DNAI7: variants seen among roughly 807,000 people sequenced by gnomAD.
DNAI7 encodes the protein cancer susceptibility 1.
DNAI7 carries 78 observed loss-of-function variants against 86.6 expected under a neutral mutation model. The ratio of observed to expected loss-of-function variants is 0.90; its 90% CI spans 0.75 to 1.09. The LOEUF is 1.09. DNAI7 is among the 50% of genes least tolerant of loss of function. DNAI7 has a pLI of 0.00. For missense variants in DNAI7, 753 were observed against 810.2 expected, an observed-to-expected ratio of 0.93 and a Z score of 0.86; for synonymous variants, 274 against 273.0, an observed-to-expected ratio of 1.00 and a Z score of -0.04.
At chr12:25,184,961 C>A (rs1386063365) in intron 2 of DNAI7, among the ~76,000 whole-genome samples, 12 of 129,084 alleles carry the variant, frequency 9.3e-5, no homozygotes, top group Non-Finnish European at 1.7e-5. Context: ...GGGATCCCAT[C>A]TCTATAAAAA....
chr12:25,174,595 T>TATATATCCCATATATATGGG lies in DNAI7; in HGVS notation c.22-13399_22-13398insCCCATATATATGGGATATAT, dbSNP rs1555181700. 7.0e-5 allele frequency among the ~76,000 whole-genome samples: 5 copies of TATATATCCCATATATATGGG among 71,436 alleles called. 2 individuals are homozygous for TATATATCCCATATATATGGG. Among genetic ancestry groups the TATATATCCCATATATATGGG allele is most frequent in the Non-Finnish European group, 1.3e-4 (5 of 37,576 alleles). 46.9% of individuals were successfully genotyped at this position (71,436 alleles called of 152,430 possible). On this transcript the variant is annotated intron_variant, in intron 2 of 15. Transcript: ENST00000395987. ...TGGGATATATATCATATATATGGGA[T>TATATATCCCATATATATGGG]ATATATATGATATATATATCATATA...
chr12:25,154,999 T>G (rs1052598772), intron 5 of DNAI7, among the ~76,000 whole-genome samples: 2 of 152,244 alleles, frequency 1.3e-5, no homozygotes, highest in East Asian at 3.8e-4. Context: ...TCCAAAGTTA[T>G]GCAGTTTTGA....
intron 10 of DNAI7, 120 bp from the exon 11 acceptor site, chr12:25,122,033 T>C (rs1326138176): frequency 1.5e-6 from 1 of 672,744 alleles, no homozygotes; most frequent in Non-Finnish European, 2.4e-6. Context: ...TACTAAAACT[T>C]TTCAAAAAGC....
chr12:25,149,562 ATTATT>A, intron 7 of DNAI7, 61 bp downstream of exon 7: 8 of 1,170,608 alleles, frequency 6.8e-6, no homozygotes, highest in Middle Eastern at 2.6e-4. Flanking sequence ...AAAATACTGG[ATTATT>A]TTATAACATA....
At chr12:25,163,179 T>C (rs1466353738) in intron 2 of DNAI7, among the ~76,000 whole-genome samples, 1 of 152,158 alleles carries the variant, frequency 6.6e-6, no homozygotes, top group East Asian at 1.9e-4. Context: ...AAGAGCATGA[T>C]GAAAGCAATG....
chr12:25,147,483 C>CCAT (rs1555170148), intron 7 of DNAI7, among the ~76,000 whole-genome samples: 16 of 150,246 alleles, frequency 1.1e-4, no homozygotes, highest in Admixed American at 8.6e-4. Flanking sequence ...GAGACCACCC[C>CCAT]CATCTCTACA....
At position 25,121,809 on chromosome 12, in the gene DNAI7, C is replaced by T; in HGVS notation, c.1183G>A (p.Asp395Asn). Residue 395 changes from aspartate to asparagine, a missense_variant, in exon 11 of 16, where the codon GAT (aspartate) becomes AAT (asparagine). Transcript: ENST00000395987. ...CACTGTGGAGGAAGCTCCAAAATAT[C>T]CAAGTGGTATACTCCACCCAGAGTT... is the stretch of plus-strand genomic sequence containing the variant. ...FTTLGGVYHL[D>N]ILELPPQCKP... 6.2e-7 allele frequency: 1 copy of T among 1,607,854 alleles called. No homozygotes were observed. Among genetic ancestry groups the T allele is most frequent in the Non-Finnish European group, 8.5e-7 (1 of 1,178,352 alleles).
intron 6 of DNAI7, among the ~76,000 whole-genome samples, chr12:25,153,321 T>C (rs10842488): frequency 0.22 from 33,962 of 152,102 alleles, 3,871 homozygotes; most frequent in Middle Eastern, 0.28. Context: ...ATTGGGAGGC[T>C]GAGGCATGAG....
At position 25,111,891 on chromosome 12, in the gene DNAI7, T is replaced by C; in HGVS notation, c.1660A>G (p.Ile554Val). ...ATCCAGGTTCCTTCCAAAATAGAGA[T>C]GTGTTTCTTGTCTTTTAGTTTGATT... ...SSIKLKDKKHISILEGTWMTP... is the reference protein window; with the variant it reads ...SSIKLKDKKHVSILEGTWMTP... Residue 554 changes from isoleucine (I) to valine (V), a missense_variant, in exon 14 of 16, where the codon ATC becomes GTC. Ile to Val is a conservative substitution (Grantham distance 29). Coordinates refer to ENST00000395987, the MANE Select transcript of DNAI7 (RefSeq NM_018272.5). The C allele has an allele frequency of 1.2e-6, 2 of 1,604,416 alleles. No homozygotes were observed. Among genetic ancestry groups the C allele is most frequent in the Non-Finnish European group, 1.7e-6 (2 of 1,175,606 alleles).
intron 2 of DNAI7, among the ~76,000 whole-genome samples, chr12:25,184,828 C>A (rs916195169): frequency 2.0e-5 from 3 of 152,038 alleles, no homozygotes; most frequent in Non-Finnish European, 2.9e-5. Flanking sequence ...TCTGCAAATA[C>A]CCTCATGATA....
rs1009239877 is a variant in DNAI7 at position 25,190,555 on chromosome 12, T to G, written c.21+59A>C. 5.9e-6 allele frequency: 4 copies of G among 676,772 alleles called. No homozygotes were observed. The African/African-American group carries it at 7.4e-5, about 12-fold the overall frequency. 41.9% of individuals were successfully genotyped at this position (676,772 alleles called of 1,614,324 possible). A position where few individuals can be genotyped will look rare whatever the true frequency, so the allele number is the denominator to read the frequency against. ...AAATATTTTATAATTCTGTAAATAT[T>G]CTGTTCATACACTGTAAGTGATTAT... On this transcript the variant is annotated intron_variant, in intron 2 of 15. Transcript: ENST00000395987.
intron 2 of DNAI7, among the ~76,000 whole-genome samples, chr12:25,172,653 T>C (rs1299206500): frequency 2.0e-5 from 3 of 152,158 alleles, no homozygotes; most frequent in Non-Finnish European, 4.4e-5. Context: ...AAAGCAAGAC[T>C]AAGCAAAAAG....
chr12:25,110,850 A>G (rs1306247453), intron 14 of DNAI7, among the ~76,000 whole-genome samples: 1 of 152,146 alleles, frequency 6.6e-6, no homozygotes, highest in Non-Finnish European at 1.5e-5. Flanking sequence ...AAACAAAGGT[A>G]AGGACCTTTG....
At chr12:25,120,294 AAG>A (rs977957542) in intron 11 of DNAI7, among the ~76,000 whole-genome samples, 6 of 94,712 alleles carry the variant, frequency 6.3e-5, no homozygotes, top group Admixed American at 1.4e-4. Flanking sequence ...AGAGGGTGAG[AAG>A]AGAGAGAGAG....
At chr12:25,112,399 G>GTTTTTTT (rs10602859) in intron 13 of DNAI7, among the ~76,000 whole-genome samples, 16 of 104,280 alleles carry the variant, frequency 1.5e-4, no homozygotes, top group African/African-American at 2.2e-4. Context: ...TTCACATCTG[G>GTTTTTTT]TTTTTTTTTT....
intron 14 of DNAI7, among the ~76,000 whole-genome samples, chr12:25,110,627 G>C (rs1391322381): frequency 6.6e-6 from 1 of 152,128 alleles, no homozygotes; most frequent in African/African-American, 2.4e-5. Context: ...TGCTTCCCCA[G>C]ATGTGCACAT....
At chr12:25,191,407 A>C (rs1950506468) in intron 1 of DNAI7, among the ~76,000 whole-genome samples, 1 of 152,112 alleles carries the variant, frequency 6.6e-6, no homozygotes, top group African/African-American at 2.4e-5. Context: ...AAAATGAATA[A>C]ATAAATAAAA....
In DNAI7 at chr12:25,108,840, T is replaced by G; in HGVS notation, c.1894-17A>C. On this transcript the variant is annotated splice_polypyrimidine_tract_variant and intron_variant, in intron 15 of 15. Transcript: ENST00000395987. The stretch of plus-strand genomic sequence containing the variant: ...TTCCCTCACCTAAAAAAAAAAAAAA[T>G]TCAAGCAAGTTGTTAATAATTCCTC... The G allele has an allele frequency of 3.5e-6, 1 of 288,242 alleles. No individual in the cohort carries two copies. Among genetic ancestry groups the G allele is most frequent in the Non-Finnish European group, 4.6e-6 (1 of 215,970 alleles). The allele number at this position is 288,242 out of a possible 1,614,324, so 17.9% of individuals were successfully genotyped here. A position where few individuals can be genotyped will look rare whatever the true frequency, so the allele number is the denominator to read the frequency against.
At chr12:25,178,323 C>T (rs1324259253) in intron 2 of DNAI7, among the ~76,000 whole-genome samples, 2 of 151,396 alleles carry the variant, frequency 1.3e-5, no homozygotes, top group Non-Finnish European at 3.0e-5. Context: ...TTCATGAAAA[C>T]AGTTTAATTT....
Sources: allele counts gnomAD v4.1 joint callset (sites outside exome capture counted in the v4.1 genomes callset), GRCh38; gene constraint gnomAD v4.1.1; transcripts MANE v1.5; gene names NCBI Gene and HGNC (gene_info 2026-07-23, HGNC 2026-07-21).